The following REELD1 variants were observed in gnomAD, a reference collection of about 807,000 sequenced individuals.
REELD1 encodes the protein reeler domain containing 1.
A neutral mutation model predicts 6.3 loss-of-function variants in REELD1; 12 were observed. The ratio of observed to expected loss-of-function variants is 1.89; its 90% CI spans 1.21 to 3.07. The LOEUF is 3.07. Among genes scored for constraint, REELD1 ranks in the 30% most tolerant of loss-of-function variants. REELD1 has a pLI of 0.00. For synonymous variants in REELD1, 57 were observed against 33.6 expected, an observed-to-expected ratio of 1.70 and a Z score of -2.42; for missense variants, 163 against 86.8, an observed-to-expected ratio of 1.88 and a Z score of -3.49.
At chr4:146,222,302 C>T (rs1418652844) in intron 3 of REELD1, 55 bp from the exon 4 acceptor site, 7 of 398,200 alleles carry the variant, frequency 1.8e-5, no homozygotes, top group Non-Finnish European at 2.2e-5. Flanking sequence ...TGCATAAAAT[C>T]ACCACACGGA....
chr4:146,223,996 T>C (rs1037632545), intron 4 of REELD1, among the ~76,000 whole-genome samples: 9 of 152,272 alleles, frequency 5.9e-5, no homozygotes, highest in African/African-American at 2.2e-4. Context: ...TAAGGATTTA[T>C]CTCTAATTTC....
intron 2 of REELD1, 41 bp downstream of exon 2, chr4:146,215,239 T>A (rs1293475611): frequency 6.6e-6 from 1 of 152,204 alleles, no homozygotes; most frequent in Non-Finnish European, 1.5e-5. Flanking sequence ...GCATTTTGTA[T>A]GTGGCCCTTA....
chr4:146,224,876 G>A (rs1017716411), intron 5 of REELD1, among the ~76,000 whole-genome samples: 3 of 152,160 alleles, frequency 2.0e-5, no homozygotes, highest in Non-Finnish European at 4.4e-5. Flanking sequence ...TGGACAGTGA[G>A]AGCTGTGCTG....
chr4:146,225,509 C>T (rs1731005659), intron 5 of REELD1, among the ~76,000 whole-genome samples: 1 of 152,144 alleles, frequency 6.6e-6, no homozygotes, highest in African/African-American at 2.4e-5. Context: ...GCCTTTGCCC[C>T]ACAACCTTTG....
Position 146,232,237 on chromosome 4 carries a change from G to C in REELD1, c.*1724G>C, listed in dbSNP as rs1332116455. 3 of 152,174 alleles carry C rather than the reference G, an allele frequency of 2.0e-5. No individual in the cohort carries two copies. Among genetic ancestry groups the C allele is most frequent in the Non-Finnish European group, 4.4e-5 (3 of 68,026 alleles). 9.4% of individuals were successfully genotyped at this position (152,174 alleles called of 1,614,324 possible). A position where few individuals can be genotyped will look rare whatever the true frequency, so the allele number is the denominator to read the frequency against. ...TGTGAACAAATTACCTCTAGGCTTA[G>C]TAGTTGAAAATAAAATCACCACCAA... On this transcript the variant is annotated 3_prime_UTR_variant, in exon 8 of 8. Coordinates refer to ENST00000623665, the MANE Select transcript of REELD1 (RefSeq NM_001354631.1).
chr4:146,222,375 G>A lies in REELD1; in HGVS notation c.227G>A (p.Arg76His), dbSNP rs146772566. ...GTTGCAGTGACAGTGAGAAGCAGTC[G>A]TGATTTCATGGGATTTCTCCTTCAG... ...DKIPVTVRSS[R>H]DFMGFLLQAR... Residue 76 changes from arginine (R) to histidine (H), a missense_variant, in exon 4 of 8, where the codon CGT (arginine) becomes CAT (histidine). Coordinates refer to ENST00000623665, the MANE Select transcript of REELD1 (RefSeq NM_001354631.1). 1.6e-3 allele frequency: 633 copies of A among 398,582 alleles called. 4 individuals are homozygous for A. Among genetic ancestry groups the A allele is most frequent in the African/African-American group, 0.01 (510 of 48,736 alleles). 24.7% of individuals were successfully genotyped at this position (398,582 alleles called of 1,614,324 possible).
At chr4:146,221,497 A>C (rs977723742) in intron 3 of REELD1, among the ~76,000 whole-genome samples, 1 of 152,236 alleles carries the variant, frequency 6.6e-6, no homozygotes, top group Non-Finnish European at 1.5e-5. Context: ...GACTGCTTAC[A>C]ACCACACATT....
rs975349701 is a variant in REELD1, at chr4:146,231,249, C to T, written c.*736C>T. On this transcript the variant is annotated 3_prime_UTR_variant, in exon 8 of 8. Coordinates refer to ENST00000623665, the MANE Select transcript of REELD1 (RefSeq NM_001354631.1). ...AGGTGTAAATGGATCTGAGACCTCC[C>T]ATCCATTTACACTTGATGGAAACAT... 1.3e-5 allele frequency among the ~76,000 whole-genome samples: 2 copies of T among 152,214 alleles called. No individual in the cohort carries two copies. Among genetic ancestry groups the T allele is most frequent in the African/African-American group, 2.4e-5 (1 of 41,458 alleles).
intron 3 of REELD1, among the ~76,000 whole-genome samples, chr4:146,218,291 C>G (rs898903454): frequency 6.6e-6 from 1 of 152,150 alleles, no homozygotes; most frequent in African/African-American, 2.4e-5. Context: ...ACTCCCCAAA[C>G]TCACACACAC....
rs1730987738 is a variant in REELD1, at chr4:146,224,589, T to A, written c.576T>A (p.Asp192Glu). 5.7e-6 allele frequency: 4 copies of A among 702,082 alleles called. No homozygotes were observed. Among genetic ancestry groups the A allele is most frequent in the Non-Finnish European group, 1.0e-5 (4 of 384,926 alleles). 43.5% of individuals were successfully genotyped at this position (702,082 alleles called of 1,614,324 possible). A position where few individuals can be genotyped will look rare whatever the true frequency, so the allele number is the denominator to read the frequency against. The change falls in exon 5 of 8, where the codon GAT becomes GAA. Residue 192 changes from aspartate (D) to glutamate (E), a missense_variant. Asp to Glu is a conservative substitution (Grantham distance 45). Coordinates refer to ENST00000623665, the MANE Select transcript of REELD1 (RefSeq NM_001354631.1). ...CAAACCTTCACCAGAGGCTGGGCGA[T>A]GTTGAAGGAGCTGCTCCAGGTACAG... ...LMPNLHQRLG[D>E]VEGAAPAPRT...
intron 4 of REELD1, among the ~76,000 whole-genome samples, chr4:146,224,111 T>C (rs1370808799): frequency 2.6e-5 from 4 of 152,222 alleles, no homozygotes; most frequent in Non-Finnish European, 4.4e-5. Context: ...AATAGTAACA[T>C]TGATGATAAA....
intron 4 of REELD1, among the ~76,000 whole-genome samples, chr4:146,222,969 A>T (rs1730950398): frequency 1.3e-5 from 2 of 152,068 alleles, no homozygotes; most frequent in Non-Finnish European, 2.9e-5. Flanking sequence ...GCCCAGGAAA[A>T]GCTTCTTGAG....
At chr4:146,227,544 C>A (rs1177867418) in intron 5 of REELD1, among the ~76,000 whole-genome samples, 1 of 152,248 alleles carries the variant, frequency 6.6e-6, no homozygotes, top group Non-Finnish European at 1.5e-5. Context: ...ATGCTGGCCT[C>A]ATTTTGCAAA....
In REELD1 at chr4:146,230,688, C is replaced by T; in HGVS notation, c.*175C>T. ...ACTTTCATCAACAGAGGGAGTTATT[C>T]CTGAGCTTTGTTGTCTTAACATCTG... On this transcript the variant is annotated 3_prime_UTR_variant, in exon 8 of 8. Coordinates refer to ENST00000623665, the MANE Select transcript of REELD1 (RefSeq NM_001354631.1). 2.5e-6 allele frequency: 1 copy of T among 392,928 alleles called. No individual in the cohort carries two copies. The highest frequency in any genetic ancestry group is 4.5e-6 in the Non-Finnish European group (1 of 222,912). 24.3% of individuals were successfully genotyped at this position (392,928 alleles called of 1,614,324 possible). A position where few individuals can be genotyped will look rare whatever the true frequency, so the allele number is the denominator to read the frequency against.
chr4:146,230,320 G>A lies in REELD1; in HGVS notation c.1388G>A (p.Arg463His), dbSNP rs1010488116. The A allele has an allele frequency of 1.3e-4, 52 of 398,832 alleles. 2 individuals carry two copies. The highest frequency in any genetic ancestry group is 5.1e-4 in the South Asian group (4 of 7,870). The allele number at this position is 398,832 out of a possible 1,614,324, so 24.7% of individuals were successfully genotyped here. ...GGCATGGCCCTGGCCGCTGGCCTTCGCTACCTGCACACCCAGTATTGCCAC... is the reference window on the plus strand; with the variant it reads ...GGCATGGCCCTGGCCGCTGGCCTTCACTACCTGCACACCCAGTATTGCCAC... ...TLGMALAAGL[R>H]YLHTQYCHQQ... is the part of the protein sequence containing the mutation. The change falls in exon 8 of 8, where the codon CGC becomes CAC. Residue 463 changes from arginine to histidine, a missense_variant. Physicochemically the swap from Arg to His is conservative, Grantham distance 29. Coordinates refer to ENST00000623665, the MANE Select transcript of REELD1 (RefSeq NM_001354631.1).
In REELD1 at chr4:146,232,100, T is replaced by C. The variant is rs996202516; in HGVS notation, c.*1587T>C. The C allele has an allele frequency of 6.6e-6, 1 of 152,252 alleles. No homozygotes were observed. The highest frequency in any genetic ancestry group is 1.5e-5 in the Non-Finnish European group (1 of 68,050). 9.4% of individuals were successfully genotyped at this position (152,252 alleles called of 1,614,324 possible). ...GGACCCCATTAGTGGAGAGCTTTCATCTGGCCACATCACATCAGAGCCAGA... is the reference window on the plus strand; with the variant it reads ...GGACCCCATTAGTGGAGAGCTTTCACCTGGCCACATCACATCAGAGCCAGA... On this transcript the variant is annotated 3_prime_UTR_variant, in exon 8 of 8. Coordinates refer to ENST00000623665, the MANE Select transcript of REELD1 (RefSeq NM_001354631.1).
At chr4:146,215,372 G>T (rs1297575579) in intron 2 of REELD1, among the ~76,000 whole-genome samples, 174 bp downstream of exon 2, 1 of 152,244 alleles carries the variant, frequency 6.6e-6, no homozygotes, top group African/African-American at 2.4e-5. Context: ...GTATGGAGAT[G>T]TGTGACTTTG....
intron 4 of REELD1, among the ~76,000 whole-genome samples, chr4:146,223,109 A>G (rs544616154): frequency 7.9e-4 from 120 of 152,362 alleles, no homozygotes; most frequent in African/African-American, 2.7e-3. Context: ...TAAAAGCATC[A>G]TTAGTACTCA....
chr4:146,228,562 A>T, intron 6 of REELD1, 40 bp downstream of exon 6: 1 of 668,558 alleles, frequency 1.5e-6, no homozygotes, highest in Non-Finnish European at 2.7e-6. Flanking sequence ...AGGTGATGGG[A>T]CTAGGATGAA....
Sources: allele counts gnomAD v4.1 joint callset (sites outside exome capture counted in the v4.1 genomes callset), GRCh38; gene constraint gnomAD v4.1.1; transcripts MANE v1.5; gene names NCBI Gene and HGNC (gene_info 2026-07-23, HGNC 2026-07-21).